TNS3: variants seen among roughly 807,000 people sequenced by gnomAD.
TNS3 encodes the protein tensin 3.
Under a neutral mutation model 140.9 loss-of-function variants are expected in TNS3, and 45 were observed. The observed-to-expected ratio is 0.32, with a 90% confidence interval of 0.25 to 0.41. The LOEUF is 0.41. Ranked by LOEUF, TNS3 falls within the 10% of genes least tolerant of loss-of-function variation. TNS3 has a pLI of 1.00. For synonymous variants in TNS3, 815 were observed against 788.4 expected (o/e 1.03, Z -0.56); for missense variants, 1,716 against 1,906.7 (o/e 0.90, Z 1.86).
rs1562764316 is a variant in TNS3, at chr7:47,291,957, GC to G, written c.3925del (p.Ala1309GlnfsTer8). 6.2e-7 allele frequency: 1 copy of G among 1,614,020 alleles called. No individual in the cohort carries two copies. Among genetic ancestry groups the G allele is most frequent in the Non-Finnish European group, 8.5e-7 (1 of 1,179,970 alleles). On this transcript the variant is annotated frameshift_variant, in exon 27 of 31. Coordinates refer to ENST00000311160, the MANE Select transcript of TNS3 (RefSeq NM_022748.12). LOFTEE classifies it high-confidence loss of function. ...NSAAELLKQG[A>X]ACNVWYLNSV... ...GAAATGGAGCTGCATTTACTGACCT[GC>G]CCCCTGCTTCAACAGCTCAGCTGCT...
At chr7:47,453,444 C>G (rs1562761975) in intron 4 of TNS3, among the ~76,000 whole-genome samples, 1 of 152,154 alleles carries the variant, frequency 6.6e-6, no homozygotes, top group Non-Finnish European at 1.5e-5. Context: ...GTAACAGATG[C>G]CTGATGCCCA....
At chr7:47,529,656 CAGA>C (rs1367370448) in intron 1 of TNS3, among the ~76,000 whole-genome samples, 1 of 152,246 alleles carries the variant, frequency 6.6e-6, no homozygotes, top group African/African-American at 2.4e-5. Context: ...AGCTCTCCTG[CAGA>C]AGAAGAGACA....
At position 47,528,746 on chromosome 7, in the gene TNS3, T is replaced by A. The variant is rs770377309; in HGVS notation, c.-153+290A>T. 2.2e-4 allele frequency among the ~76,000 whole-genome samples: 34 copies of A among 152,224 alleles called. 1 individual carries two copies. Among genetic ancestry groups the A allele is most frequent in the Non-Finnish European group, 1.8e-4 (12 of 68,034 alleles). On this transcript the variant is annotated intron_variant, in intron 2 of 30. Transcript: ENST00000311160. Reference sequence around the variant, plus strand: ...GAAAGTCAAACTAAACAACCTGAGTTACTGACACTTCAGAGCAGACCTGAG... The same window carrying A: ...GAAAGTCAAACTAAACAACCTGAGTAACTGACACTTCAGAGCAGACCTGAG...
intron 1 of TNS3, among the ~76,000 whole-genome samples, chr7:47,532,381 G>C (rs920315506): frequency 6.6e-6 from 1 of 152,142 alleles, no homozygotes; most frequent in South Asian, 2.1e-4. Context: ...CCCCTCCAAG[G>C]GCTTTTCCAT....
intron 12 of TNS3, among the ~76,000 whole-genome samples, chr7:47,412,745 A>T (rs1793843975): frequency 6.6e-6 from 1 of 152,226 alleles, no homozygotes; most frequent in South Asian, 2.1e-4. Flanking sequence ...GACTCAACTG[A>T]CTGGGGACAG....
chr7:47,448,409 C>T (rs1203600611), intron 4 of TNS3, among the ~76,000 whole-genome samples: 1 of 152,086 alleles, frequency 6.6e-6, no homozygotes, highest in Non-Finnish European at 1.5e-5. Context: ...GGAGCCCCCA[C>T]CTGACAGGAA....
chr7:47,430,377 G>A (rs1794871941), intron 8 of TNS3, among the ~76,000 whole-genome samples: 1 of 151,980 alleles, frequency 6.6e-6, no homozygotes. Flanking sequence ...TGATCCCCCC[G>A]CCTCGGCCTC....
rs1554310453 is a variant in TNS3 at position 47,389,109 on chromosome 7, C to CGGAAGAAGA, written c.1024+7690_1024+7691insTCTTCTTCC. On this transcript the variant is annotated intron_variant, in intron 16 of 30. Transcript: ENST00000311160. ...GAGGAAGAGGAAGAGGAAGCGGAAG[C>CGGAAGAAGA]AGAAGAAGAAGAAGAAGAAGAAGAA... Among the ~76,000 whole-genome samples, 4 of 59,078 alleles carry CGGAAGAAGA rather than the reference C, an allele frequency of 6.8e-5. 2 individuals carry two copies. Among genetic ancestry groups the CGGAAGAAGA allele is most frequent in the African/African-American group, 2.7e-4 (4 of 14,718 alleles). The allele number at this position is 59,078 out of a possible 152,430, so 38.8% of individuals were successfully genotyped here.
At chr7:47,502,445 G>A (rs747747494) in intron 3 of TNS3, among the ~76,000 whole-genome samples, 23 of 152,222 alleles carry the variant, frequency 1.5e-4, no homozygotes, top group Non-Finnish European at 2.5e-4. Flanking sequence ...TCTAGGTCCC[G>A]TGTTTTCCAT....
chr7:47,436,374 A>G (rs1795182964), intron 7 of TNS3, among the ~76,000 whole-genome samples: 1 of 152,166 alleles, frequency 6.6e-6, no homozygotes, highest in Non-Finnish European at 1.5e-5. Flanking sequence ...ATGTACCACA[A>G]CTTATGTTGA....
intron 2 of TNS3, among the ~76,000 whole-genome samples, chr7:47,518,460 G>C (rs965998382): frequency 1.3e-5 from 2 of 152,152 alleles, no homozygotes. Context: ...TAAAACTCTT[G>C]AAGTTTTCAT....
chr7:47,396,610 A>T, intron 16 of TNS3, 190 bp downstream of exon 16: 1 of 604,056 alleles, frequency 1.7e-6, no homozygotes, highest in Non-Finnish European at 3.0e-6. Context: ...ACCCAAACTC[A>T]CCATGCCTTA....
chr7:47,303,247 G>C lies in TNS3; in HGVS notation c.3160C>G (p.Pro1054Ala). Residue 1054 changes from proline (P) to alanine (A), a missense_variant, in exon 22 of 31, where the codon CCG (proline) becomes GCG (alanine). Pro to Ala is a conservative substitution (Grantham distance 27). Around this residue, in one of 3 missense-constraint regions of TNS3, gnomAD observed 1,163 missense variants for 1,182.1 expected, o/e 0.98. Coordinates refer to ENST00000311160, the MANE Select transcript of TNS3 (RefSeq NM_022748.12). ...SHGASPTPSI[P>A]LTATGAADNG... Reference sequence around the variant, plus strand: ...TCGGCAGCCCCTGTCGCTGTCAGCGGGATGCTGGGGGTCGGTGACGCTCCA... The same window carrying C: ...TCGGCAGCCCCTGTCGCTGTCAGCGCGATGCTGGGGGTCGGTGACGCTCCA... 6.2e-7 allele frequency: 1 copy of C among 1,613,762 alleles called. No homozygotes were observed. Among genetic ancestry groups the C allele is most frequent in the Non-Finnish European group, 8.5e-7 (1 of 1,179,996 alleles).
intron 2 of TNS3, among the ~76,000 whole-genome samples, chr7:47,515,644 CCAT>C (rs1366936410): frequency 5.9e-5 from 9 of 151,956 alleles, no homozygotes; most frequent in African/African-American, 2.2e-4. Flanking sequence ...CAACATCATA[CCAT>C]CATCATCACC....
chr7:47,332,327 G>C (rs1256632545), intron 20 of TNS3, among the ~76,000 whole-genome samples: 1 of 152,220 alleles, frequency 6.6e-6, no homozygotes, highest in African/African-American at 2.4e-5. Flanking sequence ...CTTCCAGCAG[G>C]GAAACATCCT....
chr7:47,442,913 T>A (rs1795539416), intron 4 of TNS3, among the ~76,000 whole-genome samples: 1 of 152,172 alleles, frequency 6.6e-6, no homozygotes, highest in Non-Finnish European at 1.5e-5. Context: ...CTCAGGCAGG[T>A]GCAGCTCACC....
rs77989969 is a variant in TNS3, at chr7:47,545,551, G to A, written c.-264-16404C>T. Among the ~76,000 whole-genome samples the A allele has an allele frequency of 4.9e-3, 742 of 152,330 alleles. 1 individual carries two copies. The highest frequency in any genetic ancestry group is 7.1e-3 in the Non-Finnish European group (484 of 68,026). Reference sequence around the variant, plus strand: ...CAGATCCTTAAACAGGGTGCTGACAGCAAGAGGACCCAGCCTGGTCTCCCC... The same window carrying A: ...CAGATCCTTAAACAGGGTGCTGACAACAAGAGGACCCAGCCTGGTCTCCCC... On this transcript the variant is annotated intron_variant, in intron 1 of 30. Coordinates refer to ENST00000311160, the MANE Select transcript of TNS3 (RefSeq NM_022748.12).
intron 20 of TNS3, among the ~76,000 whole-genome samples, chr7:47,323,359 T>C (rs1318039152): frequency 6.6e-6 from 1 of 152,216 alleles, no homozygotes; most frequent in Non-Finnish European, 1.5e-5. Context: ...CTGTGAATTC[T>C]ATATCCTGCA....
Position 47,523,762 on chromosome 7 carries a change from C to G in TNS3, c.-153+5274G>C, listed in dbSNP as rs929452740. ...TCAACAGGACATGCAGCTTCCCAAG[C>G]CTACCACATCCTCAGCTTCTGCCAG... On this transcript the variant is annotated intron_variant, in intron 2 of 30. Transcript: ENST00000311160. 3.3e-5 allele frequency among the ~76,000 whole-genome samples: 5 copies of G among 152,232 alleles called. No individual in the cohort carries two copies. In the South Asian group the frequency reaches 1.0e-3, roughly 32 times the overall value.
Sources: allele counts gnomAD v4.1 joint callset (sites outside exome capture counted in the v4.1 genomes callset), GRCh38; gene constraint gnomAD v4.1.1; regional missense constraint gnomAD v4.1.1; transcripts MANE v1.5; gene names NCBI Gene and HGNC (gene_info 2026-07-23, HGNC 2026-07-21).